CHRDL1: variants seen among roughly 807,000 people sequenced by gnomAD.
CHRDL1 encodes chordin like 1.
In CHRDL1, 19 loss-of-function variants were observed where a neutral mutation model predicts 40.9. The ratio of observed to expected loss-of-function variants is 0.46; its 90% CI spans 0.32 to 0.68. The LOEUF is 0.68. CHRDL1 is among the 30% of genes least tolerant of loss of function. CHRDL1 has a pLI of 0.03. For missense variants in CHRDL1, 329 were observed against 352.1 expected (o/e 0.93, Z 0.53); for synonymous variants, 136 against 123.4 (o/e 1.10, Z -0.68).
At chrX:110,737,005 A>T (rs140482366) in intron 4 of CHRDL1, among the ~76,000 whole-genome samples, 1 of 112,031 alleles carries the variant, frequency 8.9e-6, no homozygotes, top group African/African-American at 3.2e-5. Context: ...TGTTCTAGAG[A>T]TGGATTTTCC....
At chrX:110,724,797 T>C (rs1467618304) in intron 4 of CHRDL1, among the ~76,000 whole-genome samples, 1 of 111,270 alleles carries the variant, frequency 9.0e-6, no homozygotes, top group African/African-American at 3.3e-5. Context: ...TTTCTAGGAA[T>C]GCGATATGGA....
chrX:110,698,143 A>G (rs1314061253), intron 7 of CHRDL1, among the ~76,000 whole-genome samples: 1 of 111,325 alleles, frequency 9.0e-6, no homozygotes, highest in Admixed American at 9.6e-5. Context: ...AGTCTCCTGG[A>G]TAAGAAATCT....
chrX:110,689,422 A>ATCTATATATCTATATATC (rs2070113065), intron 8 of CHRDL1, among the ~76,000 whole-genome samples: 3 of 68,129 alleles, frequency 4.4e-5, no homozygotes, highest in Non-Finnish European at 6.8e-5. Flanking sequence ...ATCTATATAT[A>ATCTATATATCTATATATC]TCTATATATC....
At chrX:110,763,983 G>C (rs2089613386) in intron 2 of CHRDL1, among the ~76,000 whole-genome samples, 1 of 111,796 alleles carries the variant, frequency 8.9e-6, no homozygotes, top group African/African-American at 3.3e-5. Flanking sequence ...GTTTTGATTT[G>C]CATTTCCCTG....
chrX:110,780,318 T>A (rs2089920361), intron 2 of CHRDL1, among the ~76,000 whole-genome samples: 1 of 111,121 alleles, frequency 9.0e-6, no homozygotes. Flanking sequence ...TTTCCATGGG[T>A]TATGTGTATT....
At chrX:110,791,734 G>A (rs2090103933) in intron 2 of CHRDL1, among the ~76,000 whole-genome samples, 1 of 110,856 alleles carries the variant, frequency 9.0e-6, no homozygotes, top group African/African-American at 3.3e-5. Context: ...AGCCTTTGCT[G>A]AAGAGTCTGA....
At chrX:110,792,893 T>C (rs1302658253) in intron 1 of CHRDL1, among the ~76,000 whole-genome samples, 1 of 112,333 alleles carries the variant, frequency 8.9e-6, no homozygotes, top group African/African-American at 3.2e-5. Flanking sequence ...TAGGGGAAAT[T>C]GGGCAAATTA....
chrX:110,738,861 T>C (rs985708055), intron 4 of CHRDL1, among the ~76,000 whole-genome samples: 1 of 111,888 alleles, frequency 8.9e-6, no homozygotes, highest in African/African-American at 3.3e-5. Flanking sequence ...ATTAGTTATG[T>C]AGTTCCAATT....
At chrX:110,744,718 C>A (rs1316235749) in intron 4 of CHRDL1, among the ~76,000 whole-genome samples, 1 of 111,255 alleles carries the variant, frequency 9.0e-6, no homozygotes, top group Non-Finnish European at 1.9e-5. Context: ...ACTAGCCAGA[C>A]GTAGCCACTA....
At chrX:110,794,425 C>A (rs2090151342) in intron 1 of CHRDL1, among the ~76,000 whole-genome samples, 1 of 111,425 alleles carries the variant, frequency 9.0e-6, no homozygotes, top group Non-Finnish European at 1.9e-5. Flanking sequence ...GGATCCAGGA[C>A]CCAACAAGAA....
At chrX:110,755,056 C>A (rs981510988) in intron 4 of CHRDL1, among the ~76,000 whole-genome samples, 7 of 110,703 alleles carry the variant, frequency 6.3e-5, no homozygotes, top group African/African-American at 2.3e-4. Context: ...TTCATTCCCC[C>A]AAAAGAGAAG....
intron 6 of CHRDL1, among the ~76,000 whole-genome samples, chrX:110,709,397 G>A (rs1269177492): frequency 9.0e-6 from 1 of 111,728 alleles, no homozygotes; most frequent in East Asian, 2.8e-4. Flanking sequence ...AAACAAACAA[G>A]CAAACAAAGC....
chrX:110,688,651 A>AC lies in CHRDL1; in HGVS notation c.930dup (p.Tyr311ValfsTer16). The AC allele has an allele frequency of 1.7e-6, 2 of 1,210,338 alleles. No homozygotes were observed. Among genetic ancestry groups the AC allele is most frequent in the Non-Finnish European group, 2.2e-6 (2 of 894,889 alleles). On this transcript the variant is annotated frameshift_variant, in exon 9 of 12. Transcript: ENST00000372042. LOFTEE classifies it high-confidence loss of function. ...CATTTTCCGTCTATTTTTTGAGGAT[A>AC]CTTGCAGGGGTATCGATTGGGGCAG...
chrX:110,793,855 T>A (rs773396720), intron 1 of CHRDL1, among the ~76,000 whole-genome samples: 1 of 112,022 alleles, frequency 8.9e-6, no homozygotes, highest in Non-Finnish European at 1.9e-5. Flanking sequence ...TAACTCAAGT[T>A]GGCAAGAAAA....
At chrX:110,686,914 A>AAAAAAAAAAC (rs2070036359) in intron 9 of CHRDL1, among the ~76,000 whole-genome samples, 1 of 108,405 alleles carries the variant, frequency 9.2e-6, no homozygotes, top group African/African-American at 3.4e-5. Flanking sequence ...AAAAAATAAA[A>AAAAAAAAAAC]AGAATGTGTT....
chrX:110,726,854 G>A (rs746036634), intron 4 of CHRDL1, among the ~76,000 whole-genome samples: 1 of 112,085 alleles, frequency 8.9e-6, no homozygotes, highest in Non-Finnish European at 1.9e-5. Context: ...GGAGACATGA[G>A]TCAAAACACT....
intron 2 of CHRDL1, among the ~76,000 whole-genome samples, chrX:110,769,864 G>A (rs1044716432): frequency 3.6e-5 from 4 of 111,902 alleles, no homozygotes; most frequent in African/African-American, 1.3e-4. Flanking sequence ...GATTTGGGTG[G>A]AGACATAGCC....
At chrX:110,735,020 G>T (rs889364141) in intron 4 of CHRDL1, among the ~76,000 whole-genome samples, 9 of 104,916 alleles carry the variant, frequency 8.6e-5, no homozygotes, top group African/African-American at 3.7e-4. Context: ...AATCCTTTGA[G>T]AACTAGATTT....
At chrX:110,722,374 C>T (rs2070977233) in intron 4 of CHRDL1, among the ~76,000 whole-genome samples, 1 of 109,405 alleles carries the variant, frequency 9.1e-6, no homozygotes, top group South Asian at 4.1e-4. Context: ...TTAATCCCTC[C>T]ACCGAGACTG....
Sources: allele counts gnomAD v4.1 joint callset (sites outside exome capture counted in the v4.1 genomes callset), GRCh38; gene constraint gnomAD v4.1.1; transcripts MANE v1.5; gene names NCBI Gene and HGNC (gene_info 2026-07-23, HGNC 2026-07-21).